RASSF2: variants seen among roughly 807,000 people sequenced by gnomAD.
RASSF2 encodes ras association domain-containing protein 2.
RASSF2 carries 34 observed loss-of-function variants against 46.3 expected under a neutral mutation model. The ratio of observed to expected loss-of-function variants is 0.73; its 90% CI spans 0.56 to 0.98. The LOEUF is 0.98. Ranked by LOEUF, RASSF2 falls within the 50% of genes least tolerant of loss-of-function variation. The pLI, the probability that RASSF2 is intolerant of heterozygous loss-of-function variation, is 0.00. For missense variants in RASSF2, 364 were observed against 431.2 expected (o/e 0.84, Z 1.38); for synonymous variants, 158 against 162.5 (o/e 0.97, Z 0.21).
chr20:4,805,573 C>T (rs953479809), intron 2 of RASSF2, among the ~76,000 whole-genome samples: 5 of 152,068 alleles, frequency 3.3e-5, no homozygotes, highest in South Asian at 2.1e-4. Flanking sequence ...TCATTTTTCT[C>T]GGCAGCAAGA....
In RASSF2 at chr20:4,781,312, T is replaced by C. The variant is rs965691316; in HGVS notation, c.*2961A>G. The C allele has an allele frequency of 6.6e-6, 1 of 152,216 alleles. No homozygotes were observed. Among genetic ancestry groups the C allele is most frequent in the Non-Finnish European group, 1.5e-5 (1 of 68,030 alleles). 9.4% of individuals were successfully genotyped at this position (152,216 alleles called of 1,614,324 possible). ...TCTAGGAGAGAGTACTGTTCTCTTC[T>C]GGTGAGGGAAGAGAGGATTGTGAAA... On this transcript the variant is annotated 3_prime_UTR_variant, in exon 12 of 12. Transcript: ENST00000379400.
Position 4,795,745 on chromosome 20 carries a change from T to G in RASSF2, c.287+70A>C. 1 of 1,519,222 alleles carries G rather than the reference T, an allele frequency of 6.6e-7. No homozygotes were observed. The highest frequency in any genetic ancestry group is 8.9e-7 in the Non-Finnish European group (1 of 1,123,812). The allele number at this position is 1,519,222 out of a possible 1,614,324, so 94.1% of individuals were successfully genotyped here. A position where few individuals can be genotyped will look rare whatever the true frequency, so the allele number is the denominator to read the frequency against. ...GGGCTGGCTGGAAGAAGGCAGCATT[T>G]ATCTGCTTGAGAACACATAGAACAC... On this transcript the variant is annotated intron_variant, in intron 5 of 11. Coordinates refer to ENST00000379400, the MANE Select transcript of RASSF2 (RefSeq NM_014737.3). This position sits in a 1 kb window ranked among gnomAD's most constrained non-coding sequence, Gnocchi z 4.0.
intron 9 of RASSF2, 104 bp from the exon 10 acceptor site, chr20:4,787,858 G>A (rs889862793): frequency 2.2e-5 from 31 of 1,397,512 alleles, no homozygotes; most frequent in Non-Finnish European, 2.5e-5. Context: ...CGCCATATAC[G>A]TCAGGAGACT....
rs139688330 is a variant in RASSF2, at chr20:4,787,723, C to T, written c.723G>A (p.Pro241=). Reference sequence around the variant, plus strand: ...GGCCCTGGAGGATTCGGGCAATCAGCGGGTAATCGGTGGCCTTCAGCTTCT... The same window carrying T: ...GGCCCTGGAGGATTCGGGCAATCAGTGGGTAATCGGTGGCCTTCAGCTTCT... The part of the protein sequence containing the change: ...EKQKLKATDY[P]LIARILQGPC... The change falls in exon 10 of 12, where the codon CCG becomes CCA. Residue 241 remains proline, a synonymous_variant. Transcript: ENST00000379400. 2.0e-5 allele frequency: 32 copies of T among 1,614,028 alleles called. No homozygotes were observed. Among genetic ancestry groups the T allele is most frequent in the Non-Finnish European group, 2.5e-5 (29 of 1,180,032 alleles).
rs77574269 is a variant in RASSF2 at position 4,807,622 on chromosome 20, C to T, written c.-32-6560G>A. Among the ~76,000 whole-genome samples the T allele has an allele frequency of 4.0e-3, 612 of 152,260 alleles. 6 individuals are homozygous for T. Among genetic ancestry groups the T allele is most frequent in the African/African-American group, 0.014 (567 of 41,534 alleles). On this transcript the variant is annotated intron_variant, in intron 2 of 11. Coordinates refer to ENST00000379400, the MANE Select transcript of RASSF2 (RefSeq NM_014737.3). Reference sequence around the variant, plus strand: ...TACACATCAGATAGTCTGATGGCCCCGACTGTGGGAATTTTCTAGGGCTCA... The same window carrying T: ...TACACATCAGATAGTCTGATGGCCCTGACTGTGGGAATTTTCTAGGGCTCA...
chr20:4,803,009 A>T (rs1324106005), intron 2 of RASSF2, among the ~76,000 whole-genome samples: 2 of 151,310 alleles, frequency 1.3e-5, no homozygotes, highest in Non-Finnish European at 2.9e-5. Context: ...TCCCAGGCTG[A>T]AGTGATCCTC....
rs1266758963 is a variant in RASSF2 at position 4,780,960 on chromosome 20, C to T, written c.*3313G>A. ...CTCCAGCCTGGGAAACAGAACCAGA[C>T]TCTGTCTCAAAAAAAAAAAAAAGAA... is the stretch of plus-strand genomic sequence containing the variant. On this transcript the variant is annotated 3_prime_UTR_variant, in exon 12 of 12. Transcript: ENST00000379400. 1 of 146,800 alleles carries T rather than the reference C, an allele frequency of 6.8e-6. No homozygotes were observed. Among genetic ancestry groups the T allele is most frequent in the Non-Finnish European group, 1.5e-5 (1 of 67,390 alleles). 9.1% of individuals were successfully genotyped at this position (146,800 alleles called of 1,614,324 possible).
intron 11 of RASSF2, 31 bp from the exon 12 acceptor site, chr20:4,784,373 G>A (rs752726611): frequency 1.2e-6 from 2 of 1,603,090 alleles, no homozygotes; most frequent in Admixed American, 3.3e-5. Flanking sequence ...CAGATGGAGA[G>A]CAGCCAGCAA....
intron 2 of RASSF2, among the ~76,000 whole-genome samples, chr20:4,805,547 A>G (rs1340060801): frequency 3.9e-5 from 6 of 152,102 alleles, no homozygotes; most frequent in Non-Finnish European, 5.9e-5. Flanking sequence ...GTTGTTTTAA[A>G]CCACCAAGAC....
chr20:4,809,579 C>T (rs1568578204), intron 2 of RASSF2, among the ~76,000 whole-genome samples: 2 of 151,672 alleles, frequency 1.3e-5, no homozygotes, highest in East Asian at 3.9e-4. Flanking sequence ...CAGCCTGTGC[C>T]TCTCCTGCAC....
chr20:4,808,625 C>T, intron 2 of RASSF2, among the ~76,000 whole-genome samples: 1 of 151,610 alleles, frequency 6.6e-6, no homozygotes. Context: ...TAGCTGGGAC[C>T]ACAGGTACAC....
intron 2 of RASSF2, among the ~76,000 whole-genome samples, chr20:4,815,546 AG>A (rs890026900): frequency 6.6e-6 from 1 of 152,182 alleles, no homozygotes; most frequent in African/African-American, 2.4e-5. Context: ...GCACACACAA[AG>A]GATGCTTGAA....
chr20:4,781,567 G>C lies in RASSF2; in HGVS notation c.*2706C>G, dbSNP rs909889337. 6.6e-6 allele frequency: 1 copy of C among 152,180 alleles called. No homozygotes were observed. Among genetic ancestry groups the C allele is most frequent in the Admixed American group, 6.5e-5 (1 of 15,272 alleles). 9.4% of individuals were successfully genotyped at this position (152,180 alleles called of 1,614,324 possible). The stretch of plus-strand genomic sequence containing the variant: ...ATAATCCCCACCCCCTGCCATTTAA[G>C]TCATCACCTTCCCTCTCATGTGATC... On this transcript the variant is annotated 3_prime_UTR_variant, in exon 12 of 12. Coordinates refer to ENST00000379400, the MANE Select transcript of RASSF2 (RefSeq NM_014737.3).
At chr20:4,814,814 C>T (rs374534990) in intron 2 of RASSF2, among the ~76,000 whole-genome samples, 3 of 152,302 alleles carry the variant, frequency 2.0e-5, no homozygotes, top group Non-Finnish European at 4.4e-5. Flanking sequence ...GTTTCCAGAC[C>T]GTTTCCAGGG....
intron 2 of RASSF2, among the ~76,000 whole-genome samples, chr20:4,815,642 C>T (rs1236537407): frequency 6.6e-6 from 1 of 152,264 alleles, no homozygotes; most frequent in Non-Finnish European, 1.5e-5. Context: ...GAATCTCTCT[C>T]TCTGCACGGC....
In RASSF2 at chr20:4,810,409, G is replaced by A. The variant is rs576395371; in HGVS notation, c.-32-9347C>T. Among the ~76,000 whole-genome samples, 61 of 152,278 alleles carry A rather than the reference G, an allele frequency of 4.0e-4. 1 individual carries two copies. In the South Asian group the frequency reaches 5.6e-3, roughly 14 times the overall value. ...AGACGCTCTAGGAGGAGGGAAAGGC[G>A]TCTGGAGCTCCCACCAAAAACAGCA... On this transcript the variant is annotated intron_variant, in intron 2 of 11. Coordinates refer to ENST00000379400, the MANE Select transcript of RASSF2 (RefSeq NM_014737.3).
intron 2 of RASSF2, among the ~76,000 whole-genome samples, chr20:4,815,681 G>A (rs1417109947): frequency 3.3e-5 from 5 of 152,206 alleles, no homozygotes; most frequent in Non-Finnish European, 5.9e-5. Context: ...ATGGCGAATC[G>A]TGAGCCCACA....
At position 4,790,413 on chromosome 20, in the gene RASSF2, G is replaced by A. The variant is rs1739969876; in HGVS notation, c.537+38C>T. The A allele has an allele frequency of 2.1e-6, 3 of 1,419,414 alleles. No individual in the cohort carries two copies. The highest frequency in any genetic ancestry group is 3.0e-5 in the Admixed American group (1 of 33,750). 87.9% of individuals were successfully genotyped at this position (1,419,414 alleles called of 1,614,324 possible). ...CCCTGAGGTGGCATCTACCCAGGAA[G>A]AGGTCTTCCACCCTCCCCGTCCCCC... On this transcript the variant is annotated intron_variant, in intron 7 of 11. Coordinates refer to ENST00000379400, the MANE Select transcript of RASSF2 (RefSeq NM_014737.3). The surrounding 1 kb of genome is among the most constrained non-coding windows in gnomAD (Gnocchi z 4.3).
chr20:4,787,702 C>CT lies in RASSF2; in HGVS notation c.743dup (p.Cys251MetfsTer2). 2 of 1,614,128 alleles carry CT rather than the reference C, an allele frequency of 1.2e-6. No homozygotes were observed. The highest frequency in any genetic ancestry group is 8.5e-7 in the Non-Finnish European group (1 of 1,180,030). ...CTTTGGAGATCTGCTCACATGGGCC[C>CT]TGGAGGATTCGGGCAATCAGCGGGT... On this transcript the variant is annotated frameshift_variant, in exon 10 of 12. Transcript: ENST00000379400. LOFTEE classifies it high-confidence loss of function.
Sources: allele counts gnomAD v4.1 joint callset (sites outside exome capture counted in the v4.1 genomes callset), GRCh38; gene constraint gnomAD v4.1.1; non-coding constraint Gnocchi (gnomAD v3.1); transcripts MANE v1.5; gene names NCBI Gene and HGNC (gene_info 2026-07-23, HGNC 2026-07-21).